CCDC141: variants seen among roughly 807,000 people sequenced by gnomAD.
The protein encoded by CCDC141 is coiled-coil domain-containing protein 141.
Under a neutral mutation model 181.0 loss-of-function variants are expected in CCDC141, and 168 were observed. The ratio of observed to expected loss-of-function variants is 0.93; its 90% CI spans 0.82 to 1.05. CCDC141 has a LOEUF of 1.05. CCDC141 is among the 50% of genes least tolerant of loss of function. The pLI, the probability that CCDC141 is intolerant of heterozygous loss-of-function variation, is 0.00. For missense variants in CCDC141, 1,902 were observed against 1,788.5 expected (o/e 1.06, Z -1.14); for synonymous variants, 666 against 642.3 (o/e 1.04, Z -0.56).
intron 19 of CCDC141, among the ~76,000 whole-genome samples, chr2:178,854,586 T>C (rs1202306192): frequency 6.6e-6 from 1 of 152,158 alleles, no homozygotes; most frequent in Non-Finnish European, 1.5e-5. Flanking sequence ...CCTGAAGCAC[T>C]TATGCAGGGT....
chr2:178,966,876 A>G (rs1690663961), intron 4 of CCDC141, among the ~76,000 whole-genome samples: 1 of 152,170 alleles, frequency 6.6e-6, no homozygotes, highest in South Asian at 2.1e-4. Context: ...ACGAATTGCT[A>G]ACTAGAATAA....
At position 178,872,050 on chromosome 2, in the gene CCDC141, T is replaced by C. The variant is rs538408487; in HGVS notation, c.2079+83A>G. Reference sequence around the variant, plus strand: ...TCCTTTTGTGTTTGGCTTATTTCACTTAGCTAGTGTTTTCAAGGTTCGCTC... The same window carrying C: ...TCCTTTTGTGTTTGGCTTATTTCACCTAGCTAGTGTTTTCAAGGTTCGCTC... On this transcript the variant is annotated intron_variant, in intron 13 of 23. Coordinates refer to ENST00000443758, the MANE Select transcript of CCDC141 (RefSeq NM_173648.4). The C allele has an allele frequency of 2.2e-6, 3 of 1,344,250 alleles. No homozygotes were observed. The African/African-American group carries it at 4.4e-5, about 20-fold the overall frequency. 83.3% of individuals were successfully genotyped at this position (1,344,250 alleles called of 1,614,324 possible). A position where few individuals can be genotyped will look rare whatever the true frequency, so the allele number is the denominator to read the frequency against.
At chr2:178,945,498 C>A (rs1237529660) in intron 5 of CCDC141, among the ~76,000 whole-genome samples, 3 of 152,114 alleles carry the variant, frequency 2.0e-5, no homozygotes, top group African/African-American at 7.2e-5. Context: ...TTATCCACAG[C>A]CACATAGTAA....
chr2:178,971,714 A>G (rs1413056095), intron 4 of CCDC141, among the ~76,000 whole-genome samples: 1 of 152,238 alleles, frequency 6.6e-6, no homozygotes, highest in African/African-American at 2.4e-5. Flanking sequence ...AATGTGGCAC[A>G]TATACACACA....
chr2:179,029,568 T>A (rs754759043), intron 2 of CCDC141, among the ~76,000 whole-genome samples: 1 of 152,222 alleles, frequency 6.6e-6, no homozygotes, highest in Non-Finnish European at 1.5e-5. Context: ...CACAATCCTT[T>A]GTGTACCAAC....
At chr2:178,871,596 T>A (rs1398991271) in intron 13 of CCDC141, 44 bp from the exon 14 acceptor site, 12 of 1,601,032 alleles carry the variant, frequency 7.5e-6, no homozygotes, top group Non-Finnish European at 9.4e-6. Context: ...TTCTTTGACA[T>A]CTCCAGCAAA....
At chr2:178,937,809 T>C (rs189546705) in intron 6 of CCDC141, among the ~76,000 whole-genome samples, 1 of 152,166 alleles carries the variant, frequency 6.6e-6, no homozygotes, top group Non-Finnish European at 1.5e-5. Context: ...TTGGGAGGTA[T>C]ATGTGTCTAG....
At chr2:178,907,087 G>T (rs1407222230) in intron 7 of CCDC141, among the ~76,000 whole-genome samples, 1 of 152,140 alleles carries the variant, frequency 6.6e-6, no homozygotes, top group Non-Finnish European at 1.5e-5. Context: ...CACTTATTTA[G>T]CAGTGAAGAG....
At chr2:178,915,935 CAG>C (rs1688427044) in intron 7 of CCDC141, 1 of 152,320 alleles carries the variant, frequency 6.6e-6, no homozygotes, top group South Asian at 2.1e-4. Context: ...CTGCATCACT[CAG>C]GGGGATTTGG....
At chr2:178,966,942 ACT>A (rs151251289) in intron 4 of CCDC141, among the ~76,000 whole-genome samples, 7,066 of 152,016 alleles carry the variant, frequency 0.046, 203 homozygotes, top group South Asian at 0.076. Flanking sequence ...CAGCAGGAGA[ACT>A]TCGTGAAGCA....
At chr2:179,007,014 G>A (rs2042139571) in intron 2 of CCDC141, among the ~76,000 whole-genome samples, 1 of 152,160 alleles carries the variant, frequency 6.6e-6, no homozygotes, top group African/African-American at 2.4e-5. Context: ...CATAGGGCCA[G>A]CTCCATAAGA....
At position 178,970,479 on chromosome 2, in the gene CCDC141, C is replaced by A. The variant is rs182822875; in HGVS notation, c.526+4578G>T. Among the ~76,000 whole-genome samples, 170 of 152,286 alleles carry A rather than the reference C, an allele frequency of 1.1e-3. 3 individuals carry two copies. The highest frequency in any genetic ancestry group is 3.8e-3 in the African/African-American group (157 of 41,556). Reference sequence around the variant, plus strand: ...AGAAATAACACCACACATCTACAACCATCTGATCTTTGACAAACCTGATAC... The same window carrying A: ...AGAAATAACACCACACATCTACAACAATCTGATCTTTGACAAACCTGATAC... On this transcript the variant is annotated intron_variant, in intron 4 of 23. Coordinates refer to ENST00000443758, the MANE Select transcript of CCDC141 (RefSeq NM_173648.4).
chr2:178,893,809 A>ACACG (rs1687270977), intron 8 of CCDC141, among the ~76,000 whole-genome samples: 2 of 138,044 alleles, frequency 1.4e-5, no homozygotes, highest in African/African-American at 5.6e-5. Flanking sequence ...TCACACACAC[A>ACACG]CACACACACA....
the CCDC141 span, among the ~76,000 whole-genome samples, chr2:178,821,287 G>T: frequency 6.6e-6 from 1 of 152,058 alleles, no homozygotes; most frequent in Non-Finnish European, 1.5e-5. Flanking sequence ...TGAATAAATA[G>T]AATTTGTTAT....
At chr2:178,883,539 T>C (rs1686728224) in intron 11 of CCDC141, among the ~76,000 whole-genome samples, 2 of 151,992 alleles carry the variant, frequency 1.3e-5, no homozygotes, top group South Asian at 4.2e-4. Context: ...AGGAATTGGA[T>C]AGAGGAGAGA....
chr2:179,007,762 A>T (rs2042155940), intron 2 of CCDC141, among the ~76,000 whole-genome samples: 1 of 152,230 alleles, frequency 6.6e-6, no homozygotes. Context: ...AATGTTTTAA[A>T]ACATTTCTTT....
chr2:178,843,187 T>G (rs1208330861), intron 22 of CCDC141, among the ~76,000 whole-genome samples: 1 of 152,242 alleles, frequency 6.6e-6, no homozygotes, highest in Admixed American at 6.5e-5. Context: ...CATTTTGGTC[T>G]TGCGGGAAAA....
the CCDC141 span, among the ~76,000 whole-genome samples, chr2:178,821,539 A>C: frequency 6.6e-6 from 1 of 152,224 alleles, no homozygotes; most frequent in African/African-American, 2.4e-5. Context: ...GAAATGGTCT[A>C]TTTTGCACCA....
chr2:179,008,822 A>G (rs984103920), intron 2 of CCDC141, among the ~76,000 whole-genome samples: 1 of 152,090 alleles, frequency 6.6e-6, no homozygotes, highest in African/African-American at 2.4e-5. Flanking sequence ...TGTTCTTTTA[A>G]CTTTAGATGT....
Sources: gnomAD v4.1 joint callset for allele counts (sites outside exome capture counted in the v4.1 genomes callset) on GRCh38, gnomAD v4.1.1 for gene constraint, MANE v1.5 for transcripts, NCBI Gene and HGNC (gene_info 2026-07-23, HGNC 2026-07-21) for gene names.